Variants in NDUFB10 observed in about 807,000 individuals in gnomAD.
The protein encoded by NDUFB10 is NADH dehydrogenase [ubiquinone] 1 beta subcomplex subunit 10.
Under a neutral mutation model 19.0 loss-of-function variants are expected in NDUFB10, and 23 were observed. The observed-to-expected ratio is 1.21, with a 90% confidence interval of 0.87 to 1.71. NDUFB10 has a LOEUF of 1.71. Among genes scored for constraint, NDUFB10 ranks in the 40% most tolerant of loss-of-function variants. NDUFB10 has a pLI of 0.00. For synonymous variants in NDUFB10, 104 were observed against 81.8 expected (o/e 1.27, Z -1.46); for missense variants, 312 against 230.6 (o/e 1.35, Z -2.29).
chr16:1,960,294 A>C (rs567765546), intron 1 of NDUFB10, among the ~76,000 whole-genome samples: 11 of 150,566 alleles, frequency 7.3e-5, no homozygotes, highest in African/African-American at 2.4e-4. Context: ...ATCTCGGCTC[A>C]CTGCAACCTC....
rs374070538 is a variant in NDUFB10, at chr16:1,959,724, A to G, written c.100A>G (p.Ile34Val). The G allele has an allele frequency of 8.1e-6, 13 of 1,613,066 alleles. No individual in the cohort carries two copies. Among genetic ancestry groups the G allele is most frequent in the African/African-American group, 6.7e-5 (5 of 74,826 alleles). ...CTACATGATGAAAGCGTTCGACCTCATCGTGGACCGACCCGTGACCCTCGT... is the reference window on the plus strand; with the variant it reads ...CTACATGATGAAAGCGTTCGACCTCGTCGTGGACCGACCCGTGACCCTCGT... ...IVYMMKAFDLIVDRPVTLVRE... is the reference protein window; with the variant it reads ...IVYMMKAFDLVVDRPVTLVRE... Residue 34 changes from isoleucine to valine, a missense_variant, in exon 1 of 4, where the codon ATC (isoleucine) becomes GTC (valine). Physicochemically the swap from Ile to Val is conservative, Grantham distance 29. Transcript: ENST00000268668.
rs1567316016 is a variant in NDUFB10, at chr16:1,961,479, GCTCCTTTT to G, written c.270-13_270-6del. 6.2e-7 allele frequency: 1 copy of G among 1,613,494 alleles called. No homozygotes were observed. Among genetic ancestry groups the G allele is most frequent in the African/African-American group, 1.3e-5 (1 of 74,898 alleles). On this transcript the variant is annotated splice_polypyrimidine_tract_variant and intron_variant, in intron 2 of 3. Transcript: ENST00000268668. ...GGATTCCTTGTGATTAGCCTCTCTT[GCTCCTTTT>G]CTCCACCAGCAAAGTCGACCAAGAA... is the stretch of plus-strand genomic sequence containing the variant.
rs1427624995 is a variant in NDUFB10, at chr16:1,961,246, A to ACAT, written c.228_230dup (p.Ile76dup). 1 of 1,613,958 alleles carries ACAT rather than the reference A, an allele frequency of 6.2e-7. No individual in the cohort carries two copies. Among genetic ancestry groups the ACAT allele is most frequent in the African/African-American group, 1.3e-5 (1 of 74,942 alleles). ...GACATCACTGAGTGCAAGGAGGAGGACATCATGTGCATGTATGAAGCCGAA... is the reference window on the plus strand; with the variant it reads ...GACATCACTGAGTGCAAGGAGGAGGACATCATCATGTGCATGTATGAAGCCGAA... On this transcript the variant is annotated inframe_insertion, in exon 2 of 4. Coordinates refer to ENST00000268668, the MANE Select transcript of NDUFB10 (RefSeq NM_004548.3).
chr16:1,961,414 G>C, intron 2 of NDUFB10, 83 bp from the exon 3 acceptor site: 16 of 1,594,874 alleles, frequency 1.0e-5, no homozygotes, highest in Non-Finnish European at 1.3e-5. Flanking sequence ...CCAGACCCCA[G>C]GGCTCTTGCT....
Position 1,959,554 on chromosome 16 carries a change from G to C in NDUFB10, c.-71G>C, listed in dbSNP as rs571418450. On this transcript the variant is annotated 5_prime_UTR_variant, in exon 1 of 4. Coordinates refer to ENST00000268668, the MANE Select transcript of NDUFB10 (RefSeq NM_004548.3). ...GCGTCCTCTGTAGCGGGCGACCTAG[G>C]CCGCGGGACCCGGACGGAGGTAGAG... 1.3e-6 allele frequency: 2 copies of C among 1,513,442 alleles called. No individual in the cohort carries two copies. Among genetic ancestry groups the C allele is most frequent in the East Asian group, 5.1e-5 (2 of 39,462 alleles). The allele number at this position is 1,513,442 out of a possible 1,614,324, so 93.8% of individuals were successfully genotyped here. A position where few individuals can be genotyped will look rare whatever the true frequency, so the allele number is the denominator to read the frequency against.
rs1262007559 is a variant in NDUFB10, at chr16:1,961,223, C to T, written c.201C>T (p.Asp67=). The T allele has an allele frequency of 9.3e-6, 15 of 1,614,036 alleles. No individual in the cohort carries two copies. The highest frequency in any genetic ancestry group is 5.0e-5 in the Admixed American group (3 of 60,010). The change falls in exon 2 of 4, where the codon GAC becomes GAT. Residue 67 remains aspartate, a synonymous_variant. Transcript: ENST00000268668. The part of the protein sequence containing the change: ...YYHRQYRRVP[D]ITECKEEDIM... ...ACCGGCAGTACCGCCGCGTGCCAGA[C>T]ATCACTGAGTGCAAGGAGGAGGACA... is the stretch of plus-strand genomic sequence containing the variant.
In NDUFB10 at chr16:1,961,955, A is replaced by C; in HGVS notation, c.*49A>C. 1 of 1,520,206 alleles carries C rather than the reference A, an allele frequency of 6.6e-7. No individual in the cohort carries two copies. The highest frequency in any genetic ancestry group is 8.9e-7 in the Non-Finnish European group (1 of 1,119,708). The allele number at this position is 1,520,206 out of a possible 1,614,324, so 94.2% of individuals were successfully genotyped here. ...TGTGGCTCTGTATGACTGTTGCTGA[A>C]ATATAAAGCCCTGCAACCTGCCTGT... On this transcript the variant is annotated 3_prime_UTR_variant, in exon 4 of 4. Transcript: ENST00000268668.
At chr16:1,960,130 C>G (rs1371145172) in intron 1 of NDUFB10, among the ~76,000 whole-genome samples, 1 of 152,206 alleles carries the variant, frequency 6.6e-6, no homozygotes, top group Non-Finnish European at 1.5e-5. Flanking sequence ...TCAAATGTCT[C>G]TCTGCCGGAT....
At chr16:1,961,108 G>T in intron 1 of NDUFB10, 45 bp from the exon 2 acceptor site, 1 of 1,608,220 alleles carries the variant, frequency 6.2e-7, no homozygotes, top group Non-Finnish European at 8.5e-7. Flanking sequence ...CTAAAAGCCT[G>T]TCCAAACCGA....
intron 2 of NDUFB10, 85 bp from the exon 3 acceptor site, chr16:1,961,412 C>T: frequency 6.3e-7 from 1 of 1,594,724 alleles, no homozygotes; most frequent in Non-Finnish European, 8.6e-7. Flanking sequence ...AGCCAGACCC[C>T]AGGGCTCTTG....
chr16:1,960,591 C>T (rs1002127108), intron 1 of NDUFB10, among the ~76,000 whole-genome samples: 16 of 152,220 alleles, frequency 1.1e-4, no homozygotes, highest in Admixed American at 2.0e-4. Flanking sequence ...AGGGTGAAGT[C>T]TCCAAATCAA....
At position 1,961,888 on chromosome 16, in the gene NDUFB10, C is replaced by A. The variant is rs534213425; in HGVS notation, c.501C>A (p.Ala167=). ...AAGAGAGAAAAGCTGCAAAAGAGGC[C>A]GCCGCTGCCACCTCCTGAGGCAGCT... The part of the protein sequence containing the change: ...MLQERKAAKE[A]AAATS The change falls in exon 4 of 4, where the codon GCC becomes GCA. Residue 167 remains alanine (A), a synonymous_variant. Transcript: ENST00000268668. 154 of 1,562,034 alleles carry A rather than the reference C, an allele frequency of 9.9e-5. 1 individual carries two copies. The South Asian group carries it at 1.3e-3, about 13-fold the overall frequency.
intron 1 of NDUFB10, 28 bp downstream of exon 1, chr16:1,959,782 C>T (rs374309243): frequency 2.3e-5 from 37 of 1,611,394 alleles, no homozygotes; most frequent in East Asian, 4.5e-5. Flanking sequence ...GGGGCTCCCT[C>T]GCCGGCCTCT....
At chr16:1,959,984 C>G (rs1238066439) in intron 1 of NDUFB10, among the ~76,000 whole-genome samples, 2 of 151,940 alleles carry the variant, frequency 1.3e-5, no homozygotes, top group African/African-American at 4.8e-5. Flanking sequence ...CCCCTGCACC[C>G]CGGGATGCCC....
intron 1 of NDUFB10, among the ~76,000 whole-genome samples, chr16:1,960,012 C>T (rs1597034476): frequency 6.6e-6 from 1 of 151,668 alleles, no homozygotes; most frequent in East Asian, 1.9e-4. Flanking sequence ...TCCCAGGACT[C>T]TTCCCTCCCT....
chr16:1,961,359 G>A, intron 2 of NDUFB10, 68 bp downstream of exon 2: 1 of 1,604,226 alleles, frequency 6.2e-7, no homozygotes. Flanking sequence ...TCCCTGGGAT[G>A]CCACAGGGTG....
At chr16:1,959,929 C>T (rs1279888569) in intron 1 of NDUFB10, among the ~76,000 whole-genome samples, 175 bp downstream of exon 1, 1 of 151,964 alleles carries the variant, frequency 6.6e-6, no homozygotes, top group Non-Finnish European at 1.5e-5. Flanking sequence ...CCTCCTTTGG[C>T]CTCCCACTGC....
rs751990022 is a variant in NDUFB10 at position 1,959,641 on chromosome 16, A to G, written c.17A>G (p.Asp6Gly). The change falls in exon 1 of 4, where the codon GAC (aspartate) becomes GGC (glycine). Residue 6 changes from aspartate (D) to glycine (G), a missense_variant. Transcript: ENST00000268668. MPDSW[D>G]KDVYPEPPRR... ...GCCGCCGCCATGCCGGACAGCTGGG[A>G]CAAGGATGTGTACCCTGAGCCCCCG... The G allele has an allele frequency of 2.5e-6, 4 of 1,612,046 alleles. No individual in the cohort carries two copies. Among genetic ancestry groups the G allele is most frequent in the Admixed American group, 1.7e-5 (1 of 59,934 alleles).
Position 1,959,604 on chromosome 16 carries a change from G to A in NDUFB10, c.-21G>A, listed in dbSNP as rs774044632. 4 of 1,600,154 alleles carry A rather than the reference G, an allele frequency of 2.5e-6. No homozygotes were observed. The highest frequency in any genetic ancestry group is 1.3e-5 in the African/African-American group (1 of 74,670). On this transcript the variant is annotated 5_prime_UTR_variant, in exon 1 of 4. Coordinates refer to ENST00000268668, the MANE Select transcript of NDUFB10 (RefSeq NM_004548.3). ...GGCCAGGGCAGCGCGTCCGGGAGCG[G>A]AGTCCGCGCCCGCCGCCGCCATGCC...
Sources: gnomAD v4.1 joint callset for allele counts (sites outside exome capture counted in the v4.1 genomes callset) on GRCh38, gnomAD v4.1.1 for gene constraint, MANE v1.5 for transcripts, NCBI Gene and HGNC (gene_info 2026-07-23, HGNC 2026-07-21) for gene names.